RAB11FIP3: variants seen among roughly 807,000 people sequenced by gnomAD.
RAB11FIP3 encodes the protein rab11 family-interacting protein 3.
A neutral mutation model predicts 77.8 loss-of-function variants in RAB11FIP3; 17 were observed. The observed-to-expected ratio is 0.22, with a 90% CI of 0.15 to 0.33. RAB11FIP3 has a LOEUF of 0.33. RAB11FIP3 is among the 10% of genes least tolerant of loss of function. RAB11FIP3 has a pLI of 1.00. For missense variants in RAB11FIP3, 1,005 were observed against 1,011.2 expected, an observed-to-expected ratio of 0.99 and a Z score of 0.08; for synonymous variants, 437 against 448.2, an observed-to-expected ratio of 0.98 and a Z score of 0.31.
In RAB11FIP3 at chr16:505,837, C is replaced by T. The variant is rs180804491; in HGVS notation, c.1499+210C>T. Among the ~76,000 whole-genome samples, 58 of 152,316 alleles carry T rather than the reference C, an allele frequency of 3.8e-4. No homozygotes were observed. The highest frequency in any genetic ancestry group is 1.4e-3 in the African/African-American group (57 of 41,584). Reference sequence around the variant, plus strand: ...GACCCGAGGCTCTGACTGGTGCTCTCATGGAACCCTAGACACACAGAGGGC... The same window carrying T: ...GACCCGAGGCTCTGACTGGTGCTCTTATGGAACCCTAGACACACAGAGGGC... On this transcript the variant is annotated intron_variant, in intron 8 of 13. Coordinates refer to ENST00000262305, the MANE Select transcript of RAB11FIP3 (RefSeq NM_014700.4). This position sits in a 1 kb window ranked among gnomAD's most constrained non-coding sequence, Gnocchi z 4.0.
Position 426,363 on chromosome 16 carries a change from C to T in RAB11FIP3, c.357C>T (p.Leu119=), listed in dbSNP as rs766418402. The part of the protein sequence containing the change: ...GPRSEAPLPE[L]DPLFSWTEEP... Reference sequence around the variant, plus strand: ...GCTCCGAAGCGCCGCTTCCAGAACTCGACCCGTTGTTCTCCTGGACTGAGG... The same window carrying T: ...GCTCCGAAGCGCCGCTTCCAGAACTTGACCCGTTGTTCTCCTGGACTGAGG... Residue 119 remains leucine (L), a synonymous_variant, in exon 1 of 14, where the codon CTC becomes CTT. Transcript: ENST00000262305. This position sits in a 1 kb window ranked among gnomAD's most constrained non-coding sequence, Gnocchi z 5.0. The T allele has an allele frequency of 1.3e-6, 2 of 1,539,718 alleles. No homozygotes were observed. Among genetic ancestry groups the T allele is most frequent in the South Asian group, 1.2e-5 (1 of 83,212 alleles).
At chr16:462,335 C>T in intron 2 of RAB11FIP3, among the ~76,000 whole-genome samples, 1 of 152,184 alleles carries the variant, frequency 6.6e-6, no homozygotes, top group East Asian at 1.9e-4. Flanking sequence ...GATTCTCCTG[C>T]CTGAGCTGGG....
rs12600015 is a variant in RAB11FIP3 at position 435,179 on chromosome 16, T to C, written c.714+8459T>C. Among the ~76,000 whole-genome samples the C allele has an allele frequency of 9.6e-4, 141 of 146,738 alleles. 1 individual carries two copies. In the East Asian group the frequency reaches 0.027, roughly 28 times the overall value. On this transcript the variant is annotated intron_variant, in intron 1 of 13. Coordinates refer to ENST00000262305, the MANE Select transcript of RAB11FIP3 (RefSeq NM_014700.4). ...GAGATCTTGCCACTGCACTCCAGCCTGGGCGACAGAGCGAGACTCCGTCTC... is the reference window on the plus strand; with the variant it reads ...GAGATCTTGCCACTGCACTCCAGCCCGGGCGACAGAGCGAGACTCCGTCTC...
chr16:431,976 C>G (rs776553396), intron 1 of RAB11FIP3, among the ~76,000 whole-genome samples: 18 of 152,070 alleles, frequency 1.2e-4, no homozygotes, highest in Non-Finnish European at 2.4e-4. Flanking sequence ...CCAGTATGGT[C>G]TTGATCTCCT....
At chr16:487,603 C>T (rs529596277) in intron 4 of RAB11FIP3, among the ~76,000 whole-genome samples, 1 of 152,278 alleles carries the variant, frequency 6.6e-6, no homozygotes, top group African/African-American at 2.4e-5. Context: ...CACGAGGAGT[C>T]GCCTCACTCT....
intron 3 of RAB11FIP3, 30 bp from the exon 4 acceptor site, chr16:482,495 C>G (rs199548085): frequency 1.2e-6 from 2 of 1,606,444 alleles, no homozygotes; most frequent in East Asian, 4.5e-5. Context: ...CCAGCTTGTG[C>G]CCGCTGACTG....
At chr16:428,301 C>T (rs1330709987) in intron 1 of RAB11FIP3, among the ~76,000 whole-genome samples, 3 of 152,138 alleles carry the variant, frequency 2.0e-5, no homozygotes, top group Admixed American at 1.3e-4. Flanking sequence ...CTGATACTTT[C>T]CTGTATGGTC....
At chr16:458,934 C>T (rs940150992) in intron 1 of RAB11FIP3, among the ~76,000 whole-genome samples, 1 of 152,134 alleles carries the variant, frequency 6.6e-6, no homozygotes, top group Non-Finnish European at 1.5e-5. Flanking sequence ...TGGTACCCAT[C>T]CCCAGTCACA....
In RAB11FIP3 at chr16:522,034, C is replaced by A. The variant is rs972221382; in HGVS notation, c.*1195C>A. 1 of 42,246 alleles carries A rather than the reference C, an allele frequency of 2.4e-5. No homozygotes were observed. The highest frequency in any genetic ancestry group is 9.3e-4 in the South Asian group (1 of 1,074). The allele number at this position is 42,246 out of a possible 1,614,324, so 2.6% of individuals were successfully genotyped here. On this transcript the variant is annotated 3_prime_UTR_variant, in exon 14 of 14. Transcript: ENST00000262305. ...ACTGGCCACCCGCTGCGTGTGTGTG[C>A]GCGCGCGTGTACGTGTGGCCCCACA...
rs1352095348 is a variant in RAB11FIP3, at chr16:520,188, C to T, written c.1927C>T (p.Arg643Trp). The T allele has an allele frequency of 7.1e-6, 11 of 1,545,388 alleles. No individual in the cohort carries two copies. The highest frequency in any genetic ancestry group is 1.7e-4 in the Middle Eastern group (1 of 5,726). Reference protein sequence around the residue: ...QLLKLEAEQRRGRSSSMGLQE... With the variant: ...QLLKLEAEQRWGRSSSMGLQE... ...CCTCAAGCTGGAGGCCGAGCAGCGG[C>T]GGGGCCGCAGCAGCAGCATGGGCCT... is the stretch of plus-strand genomic sequence containing the variant. Residue 643 changes from arginine to tryptophan, a missense_variant, in exon 12 of 14, where the codon CGG (arginine) becomes TGG (tryptophan). By Grantham distance (101) the Arg-to-Trp change is moderately radical. Coordinates refer to ENST00000262305, the MANE Select transcript of RAB11FIP3 (RefSeq NM_014700.4).
rs1018210837 is a variant in RAB11FIP3 at position 471,617 on chromosome 16, G to A, written c.903+228G>A. On this transcript the variant is annotated intron_variant, in intron 3 of 13. Transcript: ENST00000262305. The surrounding 1 kb of genome is among the most constrained non-coding windows in gnomAD (Gnocchi z 4.4). ...GGGCAGGAATCCTCCCCCAGGGCCT[G>A]TCGCCAGCAGAAGTGGGGTGGGCAG... Among the ~76,000 whole-genome samples the A allele has an allele frequency of 2.0e-5, 3 of 152,230 alleles. No individual in the cohort carries two copies. The highest frequency in any genetic ancestry group is 4.4e-5 in the Non-Finnish European group (3 of 68,042).
At chr16:447,699 C>T (rs770016424) in intron 1 of RAB11FIP3, among the ~76,000 whole-genome samples, 4 of 152,094 alleles carry the variant, frequency 2.6e-5, no homozygotes, top group Non-Finnish European at 5.9e-5. Flanking sequence ...GATCGCGCCA[C>T]TGCGCTCCAG....
intron 6 of RAB11FIP3, chr16:497,246 G>A (rs2031213630): frequency 7.7e-7 from 1 of 1,302,998 alleles, no homozygotes; most frequent in Admixed American, 2.3e-5. Flanking sequence ...GAAGGTGAGG[G>A]ATGGGTCTGA....
chr16:505,729 C>T lies in RAB11FIP3; in HGVS notation c.1499+102C>T, dbSNP rs1467482502. The T allele has an allele frequency of 8.7e-6, 9 of 1,029,252 alleles. No homozygotes were observed. Among genetic ancestry groups the T allele is most frequent in the Non-Finnish European group, 1.3e-5 (9 of 714,918 alleles). 63.8% of individuals were successfully genotyped at this position (1,029,252 alleles called of 1,614,324 possible). On this transcript the variant is annotated intron_variant, in intron 8 of 13. Transcript: ENST00000262305. This position sits in a 1 kb window ranked among gnomAD's most constrained non-coding sequence, Gnocchi z 4.0. ...TTACCTCACACAGCAGGGGCTTGGCCACCCGTCCATCCCCGTTGGAAGCCG... is the reference window on the plus strand; with the variant it reads ...TTACCTCACACAGCAGGGGCTTGGCTACCCGTCCATCCCCGTTGGAAGCCG...
chr16:468,457 T>G (rs1001211806), intron 2 of RAB11FIP3, among the ~76,000 whole-genome samples: 1 of 152,052 alleles, frequency 6.6e-6, no homozygotes, highest in Non-Finnish European at 1.5e-5. Flanking sequence ...AAGTCGAAGA[T>G]GATTTTGGAA....
In RAB11FIP3 at chr16:521,299, A is replaced by G. The variant is rs552270649; in HGVS notation, c.*460A>G. On this transcript the variant is annotated 3_prime_UTR_variant, in exon 14 of 14. Coordinates refer to ENST00000262305, the MANE Select transcript of RAB11FIP3 (RefSeq NM_014700.4). ...AGAAAGGAAGAAAACAGGTCCCTCC[A>G]GGGGTGCTGCTGCCTAAGCCACCCA... 3.7e-4 allele frequency: 64 copies of G among 171,150 alleles called. No individual in the cohort carries two copies. Among genetic ancestry groups the G allele is most frequent in the Non-Finnish European group, 6.8e-4 (54 of 79,134 alleles). The allele number at this position is 171,150 out of a possible 1,614,324, so 10.6% of individuals were successfully genotyped here. A position where few individuals can be genotyped will look rare whatever the true frequency, so the allele number is the denominator to read the frequency against.
At chr16:428,750 C>T (rs568313131) in intron 1 of RAB11FIP3, among the ~76,000 whole-genome samples, 1 of 152,274 alleles carries the variant, frequency 6.6e-6, no homozygotes, top group African/African-American at 2.4e-5. Context: ...TACTGACTTT[C>T]ATACAATTCT....
At chr16:518,139 C>T (rs929430786) in intron 9 of RAB11FIP3, among the ~76,000 whole-genome samples, 4 of 152,186 alleles carry the variant, frequency 2.6e-5, no homozygotes, top group African/African-American at 7.2e-5. Context: ...AGCGCAGTGG[C>T]GGGATCACAG....
rs1046948767 is a variant in RAB11FIP3 at position 514,557 on chromosome 16, G to C, written c.1640+3757G>C. Among the ~76,000 whole-genome samples, 1 of 152,220 alleles carries C rather than the reference G, an allele frequency of 6.6e-6. No individual in the cohort carries two copies. The highest frequency in any genetic ancestry group is 2.4e-5 in the African/African-American group (1 of 41,456). On this transcript the variant is annotated intron_variant, in intron 9 of 13. Coordinates refer to ENST00000262305, the MANE Select transcript of RAB11FIP3 (RefSeq NM_014700.4). This position sits in a 1 kb window ranked among gnomAD's most constrained non-coding sequence, Gnocchi z 4.6. Reference sequence around the variant, plus strand: ...CATAGAGAAGATGGAGGAGTGGAGAGGCTGGAGCTTTGGACATCCTTGTTT... The same window carrying C: ...CATAGAGAAGATGGAGGAGTGGAGACGCTGGAGCTTTGGACATCCTTGTTT...
Sources: allele counts gnomAD v4.1 joint callset (sites outside exome capture counted in the v4.1 genomes callset), GRCh38; gene constraint gnomAD v4.1.1; non-coding constraint Gnocchi (gnomAD v3.1); transcripts MANE v1.5; gene names NCBI Gene and HGNC (gene_info 2026-07-23, HGNC 2026-07-21).